PCDHGA6: variants seen among roughly 807,000 people sequenced by gnomAD.
The protein encoded by PCDHGA6 is protocadherin gamma-A6.
PCDHGA6 carries 41 observed loss-of-function variants against 60.6 expected under a neutral mutation model. That is an observed-to-expected ratio of 0.68 (90% CI 0.53 to 0.88). The LOEUF (loss-of-function observed/expected upper bound fraction) is 0.88. PCDHGA6 is among the 40% of genes least tolerant of loss of function. The pLI is 0.00. For synonymous variants in PCDHGA6, 594 were observed against 524.4 expected (o/e 1.13, Z -1.81); for missense variants, 1,312 against 1,203.0 (o/e 1.09, Z -1.34).
chr5:141,394,864 C>T, intron 1 of PCDHGA6: 4 of 1,613,780 alleles, frequency 2.5e-6, no homozygotes, highest in Non-Finnish European at 3.4e-6. Context: ...TCGGTCGACC[C>T]GAACGATTCG....
intron 1 of PCDHGA6, among the ~76,000 whole-genome samples, chr5:141,444,000 A>T (rs2098413157): frequency 6.6e-6 from 1 of 152,070 alleles, no homozygotes; most frequent in African/African-American, 2.4e-5. Context: ...TTTAAATGCT[A>T]CCTGGGTATT....
chr5:141,427,751 C>G (rs778043340), intron 1 of PCDHGA6: 6 of 1,306,076 alleles, frequency 4.6e-6, no homozygotes, highest in Non-Finnish European at 6.6e-6. Context: ...CCTACTCCAT[C>G]GTTACCACTG....
chr5:141,427,855 G>T (rs2097079766), intron 1 of PCDHGA6: 1 of 1,553,826 alleles, frequency 6.4e-7, no homozygotes, highest in Non-Finnish European at 8.8e-7. Flanking sequence ...GAGCAGCTGT[G>T]CGCCTTCGAG....
intron 1 of PCDHGA6, chr5:141,430,826 CT>C (rs765096486): frequency 1.3e-6 from 2 of 1,550,416 alleles, no homozygotes; most frequent in East Asian, 2.2e-5. Flanking sequence ...CCTGGGGACT[CT>C]GTGGGAGACC....
chr5:141,375,722 T>G lies in PCDHGA6; in HGVS notation c.1639T>G (p.Ser547Ala), dbSNP rs1422655230. The change falls in exon 1 of 4, where the codon TCA becomes GCA. Residue 547 changes from serine (S) to alanine (A), a missense_variant. Ser to Ala is a moderately conservative substitution (Grantham distance 99, BLOSUM62 1). Coordinates refer to ENST00000517434, the MANE Select transcript of PCDHGA6 (RefSeq NM_018919.3). ...SGDPPLSSNV[S>A]LSLFVLDQND... The stretch of plus-strand genomic sequence containing the variant: ...GGACCCGCCTCTTAGCAGCAACGTG[T>G]CACTGAGCCTGTTTGTGCTGGACCA... 6.2e-7 allele frequency: 1 copy of G among 1,614,260 alleles called. No homozygotes were observed. The highest frequency in any genetic ancestry group is 1.1e-5 in the South Asian group (1 of 91,090).
At chr5:141,488,564 G>T (rs1047904416) in intron 1 of PCDHGA6, among the ~76,000 whole-genome samples, 1 of 152,154 alleles carries the variant, frequency 6.6e-6, no homozygotes, top group African/African-American at 2.4e-5. Context: ...TGAGATTTCC[G>T]CAAAGCATTG....
chr5:141,407,656 C>T (rs1333500318), intron 1 of PCDHGA6, among the ~76,000 whole-genome samples: 1 of 151,756 alleles, frequency 6.6e-6, no homozygotes, highest in Admixed American at 6.6e-5. Flanking sequence ...TGGGGGAGCG[C>T]AGTATATATT....
chr5:141,503,630 A>G, intron 2 of PCDHGA6, among the ~76,000 whole-genome samples: 1 of 152,088 alleles, frequency 6.6e-6, no homozygotes, highest in Admixed American at 6.6e-5. Flanking sequence ...AAGAAAAGAA[A>G]TAATTATTGA....
rs1014758036 is a variant in PCDHGA6 at position 141,486,472 on chromosome 5, T to C, written c.2425-8335T>C. The C allele has an allele frequency of 6.2e-7, 1 of 1,614,032 alleles. No homozygotes were observed. Among genetic ancestry groups the C allele is most frequent in the Non-Finnish European group, 8.5e-7 (1 of 1,179,862 alleles). ...TCACTGCTTCTGATGCTGGGAACCC[T>C]CCTCTCAGTACCCACAGAACTATTT... On this transcript the variant is annotated intron_variant, in intron 1 of 3. Coordinates refer to ENST00000517434, the MANE Select transcript of PCDHGA6 (RefSeq NM_018919.3). This position sits in a 1 kb window ranked among gnomAD's most constrained non-coding sequence, Gnocchi z 5.0.
chr5:141,410,158 G>A (rs755466762), intron 1 of PCDHGA6: 1 of 1,613,398 alleles, frequency 6.2e-7, no homozygotes, highest in Admixed American at 1.7e-5. Flanking sequence ...GTGGACAGCC[G>A]CCACTCTCTG....
intron 1 of PCDHGA6, chr5:141,395,193 T>C (rs748986857): frequency 1.2e-6 from 2 of 1,614,024 alleles, no homozygotes; most frequent in South Asian, 1.1e-5. Flanking sequence ...TTTGTTAACA[T>C]CCGTAGATTT....
intron 2 of PCDHGA6, among the ~76,000 whole-genome samples, chr5:141,503,994 A>C (rs1330628079): frequency 6.6e-6 from 1 of 152,158 alleles, no homozygotes; most frequent in Non-Finnish European, 1.5e-5. Context: ...CTTACCTTAC[A>C]GTCACTTAAC....
chr5:141,490,945 C>T lies in PCDHGA6; in HGVS notation c.2425-3862C>T, dbSNP rs2099706308. On this transcript the variant is annotated intron_variant, in intron 1 of 3. Transcript: ENST00000517434. This position sits in a 1 kb window ranked among gnomAD's most constrained non-coding sequence, Gnocchi z 5.4. ...TGCCCCAGCTGTGCTGCACCCACGG[C>T]CAGACTGGGAACACTCAGCCCCCCA... The T allele has an allele frequency of 6.2e-7, 1 of 1,613,434 alleles. No homozygotes were observed. Among genetic ancestry groups the T allele is most frequent in the South Asian group, 1.1e-5 (1 of 91,010 alleles).
chr5:141,413,441 T>C (rs760538286), intron 1 of PCDHGA6: 1 of 1,614,056 alleles, frequency 6.2e-7, no homozygotes, highest in Non-Finnish European at 8.5e-7. Flanking sequence ...GGCAGCTTGA[T>C]CACCGCGGGC....
At chr5:141,427,525 C>T (rs779318429) in intron 1 of PCDHGA6, 9 of 611,980 alleles carry the variant, frequency 1.5e-5, no homozygotes, top group South Asian at 3.0e-5. Flanking sequence ...GAGCGGATCC[C>T]GGAGTACAAC....
chr5:141,470,035 G>A lies in PCDHGA6; in HGVS notation c.2425-24772G>A, dbSNP rs761812438. ...TCCCAGCTACTCGGGATGCTGAGGC[G>A]CGAGAACTGTTTGAACCCCGGAGGC... On this transcript the variant is annotated intron_variant, in intron 1 of 3. Transcript: ENST00000517434. Among the ~76,000 whole-genome samples, 97 of 152,224 alleles carry A rather than the reference G, an allele frequency of 6.4e-4. 2 individuals carry two copies. Among genetic ancestry groups the A allele is most frequent in the East Asian group, 1.2e-3 (6 of 5,170 alleles).
intron 2 of PCDHGA6, among the ~76,000 whole-genome samples, chr5:141,504,253 G>A (rs1036263329): frequency 6.6e-6 from 1 of 152,100 alleles, no homozygotes; most frequent in Non-Finnish European, 1.5e-5. Context: ...TTCTTCTTAT[G>A]GTTTAGTATT....
chr5:141,388,448 C>CA, intron 1 of PCDHGA6: 1 of 1,613,760 alleles, frequency 6.2e-7, no homozygotes, highest in Non-Finnish European at 8.5e-7. Context: ...AATCAGATGG[C>CA]AGTAAATACC....
chr5:141,508,777 AG>A (rs1428861784), intron 3 of PCDHGA6, among the ~76,000 whole-genome samples: 3 of 150,778 alleles, frequency 2.0e-5, no homozygotes, highest in Non-Finnish European at 4.4e-5. Context: ...TCCCCCCTCT[AG>A]CCCCTAAATC....
Sources: gnomAD v4.1 joint callset for allele counts (sites outside exome capture counted in the v4.1 genomes callset) on GRCh38, gnomAD v4.1.1 for gene constraint, Gnocchi (gnomAD v3.1) non-coding constraint, MANE v1.5 for transcripts, NCBI Gene and HGNC (gene_info 2026-07-23, HGNC 2026-07-21) for gene names.